Variants in CADM1 observed in about 807,000 individuals in gnomAD.
CADM1 encodes the protein cell adhesion molecule 1.
CADM1 carries 15 observed loss-of-function variants against 53.1 expected under a neutral mutation model. The ratio of observed to expected loss-of-function variants is 0.28; its 90% CI spans 0.19 to 0.44. CADM1 has a LOEUF of 0.44. Ranked by LOEUF, CADM1 falls within the 20% of genes least tolerant of loss-of-function variation. The pLI, the probability that CADM1 is intolerant of heterozygous loss-of-function variation, is 1.00. For synonymous variants in CADM1, 281 were observed against 243.0 expected (o/e 1.16, Z -1.45); for missense variants, 434 against 611.3 (o/e 0.71, Z 3.06).
At position 115,428,068 on chromosome 11, in the gene CADM1, A is replaced by G. The variant is rs185764512; in HGVS notation, c.124+76203T>C. Among the ~76,000 whole-genome samples, 5 of 151,982 alleles carry G rather than the reference A, an allele frequency of 3.3e-5. No homozygotes were observed. The East Asian group carries it at 7.7e-4, about 23-fold the overall frequency. On this transcript the variant is annotated intron_variant, in intron 1 of 11. Transcript: ENST00000331581. ...AAGGGGATGTCCACAACTAAAGAAA[A>G]TATGTCTGAGTCTTCCAAATGTTGG...
chr11:115,376,954 A>C (rs1449698403), intron 1 of CADM1, among the ~76,000 whole-genome samples: 1 of 152,122 alleles, frequency 6.6e-6, no homozygotes, highest in East Asian at 1.9e-4. Context: ...TCATCAGCAA[A>C]CTTTAGACAA....
intron 10 of CADM1, among the ~76,000 whole-genome samples, chr11:115,186,161 T>C (rs1458069066): frequency 2.6e-5 from 4 of 152,170 alleles, no homozygotes; most frequent in Admixed American, 1.3e-4. Flanking sequence ...TACTGCCTTG[T>C]ATGAAACTCA....
intron 1 of CADM1, among the ~76,000 whole-genome samples, chr11:115,241,968 CT>C (rs753938722): frequency 0.017 from 2,293 of 138,302 alleles, 53 homozygotes; most frequent in African/African-American, 0.049. Context: ...TTGAAGGATC[CT>C]TTTTTTTTTT....
At chr11:115,343,683 C>A (rs955178447) in intron 1 of CADM1, among the ~76,000 whole-genome samples, 1 of 147,552 alleles carries the variant, frequency 6.8e-6, no homozygotes, top group Non-Finnish European at 1.5e-5. Flanking sequence ...TCCTTTATTT[C>A]TATAAATAAT....
intron 4 of CADM1, 73 bp from the exon 5 acceptor site, chr11:115,229,344 T>C: frequency 7.2e-7 from 1 of 1,386,818 alleles, no homozygotes; most frequent in Non-Finnish European, 1.0e-6. Context: ...TGTCCTCCCC[T>C]CTGTCCTCTA....
chr11:115,412,925 C>CTGT (rs1267061509), intron 1 of CADM1, among the ~76,000 whole-genome samples: 3 of 152,218 alleles, frequency 2.0e-5, no homozygotes, highest in Non-Finnish European at 4.4e-5. Context: ...TACTGTTCAT[C>CTGT]TGTCACCATC....
At chr11:115,455,489 C>T (rs1475345759) in intron 1 of CADM1, among the ~76,000 whole-genome samples, 1 of 151,836 alleles carries the variant, frequency 6.6e-6, no homozygotes, top group Non-Finnish European at 1.5e-5. Flanking sequence ...GTACTAAGAA[C>T]TCAAAATGTA....
intron 1 of CADM1, among the ~76,000 whole-genome samples, chr11:115,355,707 A>AACACACACAC (rs71066418): frequency 4.6e-5 from 7 of 150,940 alleles, no homozygotes; most frequent in African/African-American, 1.7e-4. Flanking sequence ...TTAAATTACT[A>AACACACACAC]ACACACACAC....
intron 1 of CADM1, among the ~76,000 whole-genome samples, chr11:115,493,720 G>A (rs1250296626): frequency 6.6e-6 from 1 of 152,106 alleles, no homozygotes; most frequent in African/African-American, 2.4e-5. Context: ...CAGGGTTCTT[G>A]CAAAAGATGT....
chr11:115,224,066 A>T (rs528753104), intron 5 of CADM1, among the ~76,000 whole-genome samples: 2 of 152,034 alleles, frequency 1.3e-5, no homozygotes, highest in East Asian at 3.9e-4. Context: ...TACAACCTGG[A>T]AACAGAATTG....
chr11:115,448,360 A>G (rs1003296776), intron 1 of CADM1, among the ~76,000 whole-genome samples: 4 of 152,132 alleles, frequency 2.6e-5, no homozygotes, highest in African/African-American at 9.7e-5. Context: ...TAGAAAAAAA[A>G]TGAGGGCTGC....
intron 1 of CADM1, among the ~76,000 whole-genome samples, chr11:115,323,910 C>T (rs1390533068): frequency 6.7e-6 from 1 of 148,834 alleles, no homozygotes; most frequent in African/African-American, 2.5e-5. Flanking sequence ...AAAGTGGGAT[C>T]AATCTAATTT....
intron 1 of CADM1, among the ~76,000 whole-genome samples, chr11:115,422,785 C>T (rs1314843691): frequency 2.0e-5 from 3 of 152,112 alleles, no homozygotes; most frequent in Non-Finnish European, 4.4e-5. Flanking sequence ...TCAGTCCTTT[C>T]GATTTAATTC....
In CADM1 at chr11:115,205,718, C is replaced by T. The variant is rs189379221; in HGVS notation, c.1078+3856G>A. On this transcript the variant is annotated intron_variant, in intron 8 of 11. Transcript: ENST00000331581. ...GGCTTGCCAATAGCAATAGTTGAAA[C>T]AGAAATATATGGTCAGACTATCAAT... 3.9e-5 allele frequency among the ~76,000 whole-genome samples: 6 copies of T among 152,166 alleles called. No homozygotes were observed. In the East Asian group the frequency reaches 1.2e-3, roughly 29 times the overall value.
chr11:115,308,211 T>TATATATCTACAC, intron 1 of CADM1, among the ~76,000 whole-genome samples: 1 of 139,422 alleles, frequency 7.2e-6, no homozygotes, highest in Admixed American at 7.1e-5. Flanking sequence ...TATATATATA[T>TATATATCTACAC]ACACACCTAT....
chr11:115,193,686 T>C (rs777345624), intron 9 of CADM1, among the ~76,000 whole-genome samples: 3 of 152,156 alleles, frequency 2.0e-5, no homozygotes, highest in Non-Finnish European at 2.9e-5. Flanking sequence ...TAAATGCTTA[T>C]GGGCTCAGTT....
At chr11:115,296,899 T>C (rs934866886) in intron 1 of CADM1, among the ~76,000 whole-genome samples, 4 of 152,188 alleles carry the variant, frequency 2.6e-5, no homozygotes, top group African/African-American at 9.7e-5. Context: ...ACATAATGGG[T>C]TTGTCTTAAT....
At chr11:115,447,131 T>G (rs1411113571) in intron 1 of CADM1, among the ~76,000 whole-genome samples, 1 of 152,136 alleles carries the variant, frequency 6.6e-6, no homozygotes, top group South Asian at 2.1e-4. Context: ...AACTAAATAA[T>G]GAATAAATAG....
At chr11:115,354,778 A>G (rs1295855643) in intron 1 of CADM1, among the ~76,000 whole-genome samples, 1 of 152,128 alleles carries the variant, frequency 6.6e-6, no homozygotes, top group Non-Finnish European at 1.5e-5. Context: ...CAAGATAACC[A>G]CCTTCAGAGT....
Sources: allele counts gnomAD v4.1 joint callset (sites outside exome capture counted in the v4.1 genomes callset), GRCh38; gene constraint gnomAD v4.1.1; transcripts MANE v1.5; gene names NCBI Gene and HGNC (gene_info 2026-07-23, HGNC 2026-07-21).